The following SORCS2 variants were observed in gnomAD, a reference collection of about 807,000 sequenced individuals.
The protein encoded by SORCS2 is sortilin related VPS10 domain containing receptor 2, also known as VPS10 domain-containing receptor SorCS2.
SORCS2 carries 100 observed loss-of-function variants against 141.6 expected under a neutral mutation model. The observed-to-expected ratio is 0.71, with a 90% CI of 0.60 to 0.83. The LOEUF (loss-of-function observed/expected upper bound fraction) is 0.83. Ranked by LOEUF, SORCS2 falls within the 40% of genes least tolerant of loss-of-function variation. The pLI, the probability that SORCS2 is intolerant of heterozygous loss-of-function variation, is 0.00. For missense variants in SORCS2, 1,646 were observed against 1,560.2 expected (o/e 1.05, Z -0.93); for synonymous variants, 789 against 676.9 (o/e 1.17, Z -2.57).
intron 23 of SORCS2, among the ~76,000 whole-genome samples, chr4:7,733,075 C>A (rs1711830752): frequency 6.7e-6 from 1 of 150,098 alleles, no homozygotes; most frequent in South Asian, 2.1e-4. Flanking sequence ...ACCTTGCTCC[C>A]CTCCCCCCTA....
intron 2 of SORCS2, chr4:7,431,393 A>T (rs548196545): frequency 6.6e-6 from 1 of 152,218 alleles, no homozygotes; most frequent in Non-Finnish European, 1.5e-5. Context: ...CTCCCAGGTG[A>T]CCTGTCGGGG....
chr4:7,433,853 A>G lies in SORCS2; in HGVS notation c.548+37498A>G, dbSNP rs540593123. ...ACAAGCTGCACCAAGGAGGGGCTGT[A>G]GGTGTCCACCAAGATGATGCACTCC... is the stretch of plus-strand genomic sequence containing the variant. On this transcript the variant is annotated intron_variant, in intron 2 of 26. Transcript: ENST00000507866. 3 of 1,613,872 alleles carry G rather than the reference A, an allele frequency of 1.9e-6. No individual in the cohort carries two copies. In the African/African-American group the frequency reaches 4.0e-5, roughly 22 times the overall value.
At position 7,433,754 on chromosome 4, in the gene SORCS2, G is replaced by A. The variant is rs201082440; in HGVS notation, c.548+37399G>A. On this transcript the variant is annotated intron_variant, in intron 2 of 26. Transcript: ENST00000507866. ...GACGGCACGATGGCATAGGCATCAT[G>A]GACTGCCCGGGCCCGCCTCCGGTTG... 1.1e-4 allele frequency: 172 copies of A among 1,613,326 alleles called. No individual in the cohort carries two copies. Among genetic ancestry groups the A allele is most frequent in the Middle Eastern group, 4.9e-4 (3 of 6,062 alleles).
intron 2 of SORCS2, among the ~76,000 whole-genome samples, chr4:7,413,476 C>T (rs927936958): frequency 6.5e-5 from 9 of 139,106 alleles, no homozygotes; most frequent in Admixed American, 5.4e-4. Context: ...TCACTGCAAC[C>T]TCCACCTCCT....
intron 5 of SORCS2, among the ~76,000 whole-genome samples, chr4:7,660,421 C>T (rs1030020113): frequency 1.3e-5 from 2 of 152,200 alleles, no homozygotes; most frequent in South Asian, 2.1e-4. Context: ...TCCCACTGGG[C>T]TCTTAGAGAT....
At chr4:7,357,607 G>C (rs1000688894) in intron 1 of SORCS2, among the ~76,000 whole-genome samples, 14 of 152,244 alleles carry the variant, frequency 9.2e-5, no homozygotes, top group African/African-American at 3.4e-4. Context: ...TAACCTGTCA[G>C]AGGCCCAGGC....
At chr4:7,600,656 T>TATAC (rs1304491103) in intron 3 of SORCS2, among the ~76,000 whole-genome samples, 1,848 of 140,936 alleles carry the variant, frequency 0.013, 39 homozygotes, top group African/African-American at 0.046. Context: ...CATATATATA[T>TATAC]ACACACACAC....
intron 3 of SORCS2, among the ~76,000 whole-genome samples, chr4:7,592,584 A>C (rs1056124221): frequency 6.6e-6 from 1 of 152,254 alleles, no homozygotes; most frequent in African/African-American, 2.4e-5. Context: ...TGAAAAGTCC[A>C]CATGCAAATC....
intron 2 of SORCS2, among the ~76,000 whole-genome samples, chr4:7,453,518 G>T (rs1341531671): frequency 1.4e-5 from 2 of 144,974 alleles, no homozygotes; most frequent in African/African-American, 5.2e-5. Flanking sequence ...CATGCGCCAC[G>T]TTAGGGTCAG....
chr4:7,338,927 C>T (rs538630570), intron 1 of SORCS2, among the ~76,000 whole-genome samples: 100 of 152,274 alleles, frequency 6.6e-4, no homozygotes, highest in South Asian at 3.9e-3. Context: ...AAGCCATACC[C>T]GCACCAGGGA....
intron 2 of SORCS2, among the ~76,000 whole-genome samples, chr4:7,408,090 A>C (rs1053945170): frequency 6.6e-6 from 1 of 152,074 alleles, no homozygotes; most frequent in Non-Finnish European, 1.5e-5. Flanking sequence ...TTCATACTAG[A>C]GTTATGAGTG....
At chr4:7,626,495 C>G (rs1427729227) in intron 3 of SORCS2, among the ~76,000 whole-genome samples, 1 of 152,234 alleles carries the variant, frequency 6.6e-6, no homozygotes, top group Non-Finnish European at 1.5e-5. Context: ...CAGAAACAAA[C>G]AGTGCTGTTA....
At chr4:7,475,443 C>A (rs532503448) in intron 2 of SORCS2, among the ~76,000 whole-genome samples, 3 of 152,214 alleles carry the variant, frequency 2.0e-5, no homozygotes, top group African/African-American at 7.2e-5. Context: ...CGGCCGGCCC[C>A]CCGAGGGCCT....
Position 7,428,028 on chromosome 4 carries a change from G to A in SORCS2, c.548+31673G>A, listed in dbSNP as rs1381012220. 4.6e-5 allele frequency among the ~76,000 whole-genome samples: 7 copies of A among 152,106 alleles called. No homozygotes were observed. In the East Asian group the frequency reaches 1.3e-3, roughly 29 times the overall value. ...GGGGTCTGCTCTGTGGGCTCTTCTGGGGGCACCCATCTCCCTGAGTTTCCA... is the reference window on the plus strand; with the variant it reads ...GGGGTCTGCTCTGTGGGCTCTTCTGAGGGCACCCATCTCCCTGAGTTTCCA... On this transcript the variant is annotated intron_variant, in intron 2 of 26. Transcript: ENST00000507866.
intron 1 of SORCS2, among the ~76,000 whole-genome samples, chr4:7,265,126 T>G (rs1477827241): frequency 6.6e-6 from 1 of 152,200 alleles, no homozygotes; most frequent in Non-Finnish European, 1.5e-5. Context: ...CTGCCGTAAC[T>G]AAGGACCACA....
At chr4:7,433,744 T>C (rs773480754) in intron 2 of SORCS2, 4 of 1,613,194 alleles carry the variant, frequency 2.5e-6, no homozygotes, top group East Asian at 2.2e-5. Context: ...CACGATGGCA[T>C]AGGCATCATG....
chr4:7,533,933 TGC>T (rs201825075), intron 3 of SORCS2, among the ~76,000 whole-genome samples: 148 of 152,238 alleles, frequency 9.7e-4, no homozygotes, highest in African/African-American at 3.4e-3. Flanking sequence ...AGGCTGGGGC[TGC>T]GATGTGGGGT....
At chr4:7,237,122 C>T (rs146555837) in intron 1 of SORCS2, among the ~76,000 whole-genome samples, 127 of 152,178 alleles carry the variant, frequency 8.3e-4, no homozygotes, top group African/African-American at 1.9e-3. Context: ...CAAGTCCGGC[C>T]GAGAACAGAA....
chr4:7,285,284 CG>C (rs925647465), intron 1 of SORCS2, among the ~76,000 whole-genome samples: 22 of 152,298 alleles, frequency 1.4e-4, no homozygotes, highest in Admixed American at 3.3e-4. Context: ...CCACCCACCT[CG>C]GCCTCCCAAA....
Sources: allele counts gnomAD v4.1 joint callset (sites outside exome capture counted in the v4.1 genomes callset), GRCh38; gene constraint gnomAD v4.1.1; transcripts MANE v1.5; gene names NCBI Gene and HGNC (gene_info 2026-07-23, HGNC 2026-07-21).